SLC6A6: variants seen among roughly 807,000 people sequenced by gnomAD.
SLC6A6 encodes the protein solute carrier family 6 member 6.
A neutral mutation model predicts 68.8 loss-of-function variants in SLC6A6; 16 were observed. The observed-to-expected ratio is 0.23, with a 90% CI of 0.16 to 0.35. SLC6A6 has a LOEUF of 0.35. SLC6A6 is among the 10% of genes least tolerant of loss of function. SLC6A6 has a pLI of 1.00. For synonymous variants in SLC6A6, 312 were observed against 315.4 expected, an observed-to-expected ratio of 0.99 and a Z score of 0.12; for missense variants, 474 against 802.8, an observed-to-expected ratio of 0.59 and a Z score of 4.95.
Position 14,484,847 on chromosome 3 carries a change from C to A in SLC6A6, c.1723-20C>A, listed in dbSNP as rs1470739448. The A allele has an allele frequency of 1.2e-6, 2 of 1,609,796 alleles. No individual in the cohort carries two copies. The highest frequency in any genetic ancestry group is 3.3e-5 in the Admixed American group (2 of 59,954). ...AGGCCGCCTGACGTTTCCCCCCTCA[C>A]TCCTGTCATCCTTCTCCAGAGAGTC... On this transcript the variant is annotated intron_variant, in intron 14 of 14. Coordinates refer to ENST00000622186, the MANE Select transcript of SLC6A6 (RefSeq NM_003043.6).
At position 14,453,992 on chromosome 3, in the gene SLC6A6, C is replaced by T. The variant is rs555784952; in HGVS notation, c.600-3958C>T. On this transcript the variant is annotated intron_variant, in intron 5 of 14. Transcript: ENST00000622186. The stretch of plus-strand genomic sequence containing the variant: ...GGGATGAGGGTAGGGCTTGGGCGCC[C>T]GCACCCGCAGCCTGCCCAGAACACT... Among the ~76,000 whole-genome samples the T allele has an allele frequency of 1.1e-3, 172 of 152,244 alleles. 1 individual carries two copies. Among genetic ancestry groups the T allele is most frequent in the African/African-American group, 3.9e-3 (164 of 41,564 alleles).
chr3:14,486,016 T>C lies in SLC6A6; in HGVS notation c.*1009T>C, dbSNP rs1701151150. ...TGCATTTGAATGGGGTCATAGCAGG[T>C]TCTGGTCATTCCCCAAGCAACATCT... On this transcript the variant is annotated 3_prime_UTR_variant, in exon 15 of 15. Coordinates refer to ENST00000622186, the MANE Select transcript of SLC6A6 (RefSeq NM_003043.6). 6.6e-6 allele frequency: 1 copy of C among 152,602 alleles called. No individual in the cohort carries two copies. The highest frequency in any genetic ancestry group is 6.5e-5 in the Admixed American group (1 of 15,280). The allele number at this position is 152,602 out of a possible 1,614,324, so 9.5% of individuals were successfully genotyped here.
chr3:14,475,923 A>C (rs1020820158), intron 10 of SLC6A6, among the ~76,000 whole-genome samples: 2 of 152,136 alleles, frequency 1.3e-5, no homozygotes, highest in Admixed American at 6.5e-5. Context: ...CCTTGTCAGC[A>C]CATGAAAGGG....
At chr3:14,407,166 C>A (rs1699128905) in intron 1 of SLC6A6, among the ~76,000 whole-genome samples, 1 of 151,824 alleles carries the variant, frequency 6.6e-6, no homozygotes, top group Admixed American at 6.6e-5. Context: ...CCTCCCACCT[C>A]AGCCTTCCAA....
At chr3:14,462,003 G>A (rs1332423046) in intron 6 of SLC6A6, among the ~76,000 whole-genome samples, 1 of 152,212 alleles carries the variant, frequency 6.6e-6, no homozygotes, top group African/African-American at 2.4e-5. Flanking sequence ...GAGTTTCCTG[G>A]ACAGTTGGGC....
At position 14,450,750 on chromosome 3, in the gene SLC6A6, C is replaced by T. The variant is rs1308541499; in HGVS notation, c.599+2934C>T. On this transcript the variant is annotated intron_variant, in intron 5 of 14. Coordinates refer to ENST00000622186, the MANE Select transcript of SLC6A6 (RefSeq NM_003043.6). This position sits in a 1 kb window ranked among gnomAD's most constrained non-coding sequence, Gnocchi z 4.1. ...TCAGTTCCAGCCCTGAGCCAGGTGC[C>T]GTGGGCAAGAAAGACCCGGCCTCCT... 6.6e-6 allele frequency among the ~76,000 whole-genome samples: 1 copy of T among 152,218 alleles called. No homozygotes were observed. The highest frequency in any genetic ancestry group is 2.1e-4 in the South Asian group (1 of 4,832).
rs1273223170 is a variant in SLC6A6 at position 14,481,637 on chromosome 3, G to C, written c.1552-34G>C. On this transcript the variant is annotated intron_variant, in intron 13 of 14. Transcript: ENST00000622186. The surrounding 1 kb of genome is among the most constrained non-coding windows in gnomAD (Gnocchi z 4.7). ...AAGCCCCCCACCCCCCGATGCCCAG[G>C]ACCCCTCTCCTGACTGCCCCCATCT... 1 of 1,535,346 alleles carries C rather than the reference G, an allele frequency of 6.5e-7. No individual in the cohort carries two copies. Among genetic ancestry groups the C allele is most frequent in the African/African-American group, 1.4e-5 (1 of 73,226 alleles).
chr3:14,440,191 G>A (rs1466210598), intron 2 of SLC6A6, among the ~76,000 whole-genome samples: 1 of 152,102 alleles, frequency 6.6e-6, no homozygotes, highest in Non-Finnish European at 1.5e-5. Flanking sequence ...CCATTTTACA[G>A]ATGAGGACAC....
chr3:14,466,513 C>A lies in SLC6A6; in HGVS notation c.733-3C>A, dbSNP rs574076311. On this transcript the variant is annotated splice_region_variant and splice_polypyrimidine_tract_variant and intron_variant, in intron 6 of 14. Transcript: ENST00000622186. ...GCCTCCTGAATCCCTCTCGCCCTTG[C>A]AGGTCGTCTACTTCACAGCCACTTT... is the stretch of plus-strand genomic sequence containing the variant. 16 of 1,609,516 alleles carry A rather than the reference C, an allele frequency of 9.9e-6. No individual in the cohort carries two copies. In the African/African-American group the frequency reaches 1.3e-4, roughly 13 times the overall value.
intron 2 of SLC6A6, among the ~76,000 whole-genome samples, chr3:14,442,250 T>C (rs1434447790): frequency 6.6e-6 from 1 of 152,224 alleles, no homozygotes; most frequent in African/African-American, 2.4e-5. Flanking sequence ...TCTGATTATT[T>C]CAGTGTTGGC....
At chr3:14,459,418 C>G (rs1427245538) in intron 6 of SLC6A6, among the ~76,000 whole-genome samples, 1 of 152,122 alleles carries the variant, frequency 6.6e-6, no homozygotes. Flanking sequence ...ACCTGGGACT[C>G]CAGGGTTGCA....
chr3:14,459,614 GACATGGGTA>G (rs1193320954), intron 6 of SLC6A6, among the ~76,000 whole-genome samples: 1 of 152,112 alleles, frequency 6.6e-6, no homozygotes, highest in Non-Finnish European at 1.5e-5. Flanking sequence ...GGGAGCAGGG[GACATGGGTA>G]ACTCCTGCAC....
At chr3:14,449,775 CAG>C (rs1230065650) in intron 5 of SLC6A6, among the ~76,000 whole-genome samples, 1 of 152,058 alleles carries the variant, frequency 6.6e-6, no homozygotes, top group African/African-American at 2.4e-5. Flanking sequence ...GTTTTTGAGA[CAG>C]AGTCTCACTC....
chr3:14,454,166 C>T (rs1319262099), intron 5 of SLC6A6, among the ~76,000 whole-genome samples: 1 of 152,166 alleles, frequency 6.6e-6, no homozygotes, highest in East Asian at 1.9e-4. Context: ...TGTGGCCTGA[C>T]ATAGGTATTG....
chr3:14,404,922 C>T (rs1209602523), intron 1 of SLC6A6, among the ~76,000 whole-genome samples: 1 of 152,260 alleles, frequency 6.6e-6, no homozygotes, highest in African/African-American at 2.4e-5. Context: ...TCCTTCCCGT[C>T]ACCTCAACCT....
At chr3:14,417,852 C>T (rs1477464841) in intron 2 of SLC6A6, among the ~76,000 whole-genome samples, 1 of 152,032 alleles carries the variant, frequency 6.6e-6, no homozygotes, top group Non-Finnish European at 1.5e-5. Flanking sequence ...AATGGCATTG[C>T]ACTGATTGTC....
At chr3:14,430,349 A>G (rs1039276109) in intron 2 of SLC6A6, among the ~76,000 whole-genome samples, 9 of 150,722 alleles carry the variant, frequency 6.0e-5, no homozygotes, top group African/African-American at 1.7e-4. Context: ...GGAGTTTCCA[A>G]TGGTTGGTGT....
At chr3:14,444,124 G>A in intron 3 of SLC6A6, 1 of 421,104 alleles carries the variant, frequency 2.4e-6, no homozygotes, top group Non-Finnish European at 4.4e-6. Context: ...TGGTCCTCCA[G>A]TTTGCCACCT....
Position 14,450,811 on chromosome 3 carries a change from G to A in SLC6A6, c.599+2995G>A, listed in dbSNP as rs1700235620. On this transcript the variant is annotated intron_variant, in intron 5 of 14. Transcript: ENST00000622186. This position sits in a 1 kb window ranked among gnomAD's most constrained non-coding sequence, Gnocchi z 4.1. Reference sequence around the variant, plus strand: ...GCCTTCTCTTTTCTTGGCATGCAATGGTGGAAAGGCAAGAGAACCAGTAGG... The same window carrying A: ...GCCTTCTCTTTTCTTGGCATGCAATAGTGGAAAGGCAAGAGAACCAGTAGG... 6.6e-6 allele frequency among the ~76,000 whole-genome samples: 1 copy of A among 152,216 alleles called. No homozygotes were observed. Among genetic ancestry groups the A allele is most frequent in the African/African-American group, 2.4e-5 (1 of 41,444 alleles).
Sources: gnomAD v4.1 joint callset for allele counts (sites outside exome capture counted in the v4.1 genomes callset) on GRCh38, gnomAD v4.1.1 for gene constraint, Gnocchi (gnomAD v3.1) non-coding constraint, MANE v1.5 for transcripts, NCBI Gene and HGNC (gene_info 2026-07-23, HGNC 2026-07-21) for gene names.